The following TNKS1BP1 variants were observed in gnomAD, a reference collection of about 807,000 sequenced individuals.
TNKS1BP1 encodes the protein 182 kDa tankyrase-1-binding protein.
TNKS1BP1 carries 48 observed loss-of-function variants against 141.1 expected under a neutral mutation model. That is an observed-to-expected ratio of 0.34 (90% confidence interval 0.27 to 0.43). TNKS1BP1 has a LOEUF of 0.43. Among genes scored for constraint, TNKS1BP1 ranks in the 20% least tolerant of loss-of-function variants. The pLI is 1.00. For missense variants in TNKS1BP1, 2,149 were observed against 2,226.0 expected, an observed-to-expected ratio of 0.97 and a Z score of 0.70; for synonymous variants, 875 against 898.2, an observed-to-expected ratio of 0.97 and a Z score of 0.46.
Position 57,308,867 on chromosome 11 carries a change from T to G in TNKS1BP1, c.3844A>C (p.Thr1282Pro). Residue 1282 changes from threonine (T) to proline (P), a missense_variant, in exon 6 of 12, where the codon ACA (threonine) becomes CCA (proline). Transcript: ENST00000358252. ...RERGVGQADW[T>P]PDLGLRNMAP... ...ATGTTTCTCAGCCCAAGGTCAGGTG[T>G]CCAGTCTGCCTGTCCAACTCCACGC... The G allele has an allele frequency of 6.2e-7, 1 of 1,614,002 alleles. No homozygotes were observed. Among genetic ancestry groups the G allele is most frequent in the Non-Finnish European group, 8.5e-7 (1 of 1,180,028 alleles).
At chr11:57,319,069 C>T (rs1855840982) in intron 3 of TNKS1BP1, among the ~76,000 whole-genome samples, 1 of 149,714 alleles carries the variant, frequency 6.7e-6, no homozygotes, top group South Asian at 2.1e-4. Context: ...GGCGTGAACC[C>T]AGGAGGTGGA....
Position 57,309,999 on chromosome 11 carries a change from C to T in TNKS1BP1, c.2712G>A (p.Glu904=). The part of the protein sequence containing the change: ...LGAYASQDAN[E]QGQDLGKRDH... ...CCCTCTTCCCCAAATCTTGGCCCTG[C>T]TCGTTGGCATCTTGGCTGGCATAAG... The change falls in exon 6 of 12, where the codon GAG becomes GAA. Residue 904 remains glutamate, a synonymous_variant. Coordinates refer to ENST00000358252, the MANE Select transcript of TNKS1BP1 (RefSeq NM_033396.3). This position sits in a 1 kb window ranked among gnomAD's most constrained non-coding sequence, Gnocchi z 4.3. The T allele has an allele frequency of 1.9e-6, 3 of 1,614,094 alleles. No individual in the cohort carries two copies. Among genetic ancestry groups the T allele is most frequent in the Non-Finnish European group, 2.5e-6 (3 of 1,179,936 alleles).
In TNKS1BP1 at chr11:57,312,850, G is replaced by C; in HGVS notation, c.1838C>G (p.Pro613Arg). Residue 613 changes from proline (P) to arginine (R), a missense_variant, in exon 5 of 12, where the codon CCC becomes CGC. Transcript: ENST00000358252. The stretch of plus-strand genomic sequence containing the variant: ...CTGCCCCAGGACTGGCTCCAGGATG[G>C]GCAAGGCTGCCTCCCTGGTAGCCAG... ...LPLATREAAL[P>R]ILEPVLGQEQ... The C allele has an allele frequency of 6.2e-7, 1 of 1,610,446 alleles. No homozygotes were observed.
chr11:57,302,558 T>A lies in TNKS1BP1; in HGVS notation c.4584A>T (p.Ser1528=). The change falls in exon 7 of 12, where the codon TCA becomes TCT. Residue 1528 remains serine, a synonymous_variant. Transcript: ENST00000358252. The surrounding 1 kb of genome is among the most constrained non-coding windows in gnomAD (Gnocchi z 5.5). ...TEDVDGTWGS[S]AARWSDQGPA... ...GCCCCTGATCGCTCCACCTGGCTGC[T>A]GAAGAGCCCCAGGTGCCATCCACGT... 3.1e-6 allele frequency: 5 copies of A among 1,613,194 alleles called. No individual in the cohort carries two copies. The highest frequency in any genetic ancestry group is 4.2e-6 in the Non-Finnish European group (5 of 1,179,874).
At position 57,309,891 on chromosome 11, in the gene TNKS1BP1, A is replaced by G. The variant is rs147304805; in HGVS notation, c.2820T>C (p.Tyr940=). The change falls in exon 6 of 12, where the codon TAT becomes TAC. Residue 940 remains tyrosine, a synonymous_variant. Transcript: ENST00000358252. The surrounding 1 kb of genome is among the most constrained non-coding windows in gnomAD (Gnocchi z 4.3). ...FQKRDVSLGT[Y]GSRAAEPQEQ... The stretch of plus-strand genomic sequence containing the variant: ...CCTGTGGCTCCGCAGCCCGGCTGCC[A>G]TAGGTGCCGAGTGACACATCTCTCT... 3.7e-5 allele frequency: 60 copies of G among 1,614,056 alleles called. No individual in the cohort carries two copies. In the African/African-American group the frequency reaches 6.9e-4, roughly 19 times the overall value.
rs769695291 is a variant in TNKS1BP1 at position 57,309,622 on chromosome 11, G to A, written c.3089C>T (p.Pro1030Leu). 1 of 1,614,054 alleles carries A rather than the reference G, an allele frequency of 6.2e-7. No individual in the cohort carries two copies. The highest frequency in any genetic ancestry group is 8.5e-7 in the Non-Finnish European group (1 of 1,180,036). The change falls in exon 6 of 12, where the codon CCT becomes CTT. Residue 1030 changes from proline (P) to leucine (L), a missense_variant. Transcript: ENST00000358252. This position sits in a 1 kb window ranked among gnomAD's most constrained non-coding sequence, Gnocchi z 4.3. ...CCCATCCGGCACGTGGGCAGTGCTA[G>A]GACTGAACAAGCCCCCGGATCCTCT... ...GERGSGGLFS[P>L]STAHVPDGAL...
intron 6 of TNKS1BP1, among the ~76,000 whole-genome samples, chr11:57,304,715 C>A (rs1855580346): frequency 6.6e-6 from 1 of 151,082 alleles, no homozygotes; most frequent in South Asian, 2.1e-4. Context: ...ACTAAAAATA[C>A]AAAAATTAGC....
In TNKS1BP1 at chr11:57,313,862, G is replaced by A; in HGVS notation, c.826C>T (p.Pro276Ser). Residue 276 changes from proline (P) to serine (S), a missense_variant, in exon 5 of 12, where the codon CCA becomes TCA. By Grantham distance (74) the Pro-to-Ser change is moderately conservative. Transcript: ENST00000358252. ...DISKPWIPSS[P>S]APSSENGGPA... ...CCTCCATTCTCTGAGGAGGGGGCTGGACTTGAGGGAATCCAGGGCTTGGAA... is the reference window on the plus strand; with the variant it reads ...CCTCCATTCTCTGAGGAGGGGGCTGAACTTGAGGGAATCCAGGGCTTGGAA... 1 of 1,511,694 alleles carries A rather than the reference G, an allele frequency of 6.6e-7. No individual in the cohort carries two copies. The highest frequency in any genetic ancestry group is 8.8e-7 in the Non-Finnish European group (1 of 1,133,820). The allele number at this position is 1,511,694 out of a possible 1,614,324, so 93.6% of individuals were successfully genotyped here.
chr11:57,324,731 C>T, intron 1 of TNKS1BP1, 109 bp downstream of exon 1: 1 of 960,974 alleles, frequency 1.0e-6, no homozygotes, highest in Non-Finnish European at 1.2e-6. Flanking sequence ...CGACCACCAC[C>T]ACCTCAACCC....
intron 6 of TNKS1BP1, among the ~76,000 whole-genome samples, chr11:57,304,183 G>A (rs920641525): frequency 2.0e-5 from 3 of 152,056 alleles, no homozygotes; most frequent in Admixed American, 6.5e-5. Flanking sequence ...AGCCTGGCAC[G>A]GCAGTGCCTG....
intron 8 of TNKS1BP1, 27 bp from the exon 9 acceptor site, chr11:57,301,970 G>A: frequency 1.2e-6 from 2 of 1,611,216 alleles, no homozygotes; most frequent in Non-Finnish European, 1.7e-6. Flanking sequence ...AAGGGGCTCA[G>A]AAAAGGCAGC....
rs1855539832 is a variant in TNKS1BP1, at chr11:57,302,440, G to A, written c.4683+19C>T. 3 of 1,574,198 alleles carry A rather than the reference G, an allele frequency of 1.9e-6. No individual in the cohort carries two copies. Among genetic ancestry groups the A allele is most frequent in the Non-Finnish European group, 2.6e-6 (3 of 1,155,880 alleles). On this transcript the variant is annotated intron_variant, in intron 7 of 11. Coordinates refer to ENST00000358252, the MANE Select transcript of TNKS1BP1 (RefSeq NM_033396.3). The surrounding 1 kb of genome is among the most constrained non-coding windows in gnomAD (Gnocchi z 5.5). ...ATCGCCCTCACCCACCCACTGTCAT[G>A]GGCTCACCCTCCACTGACCTCAATG...
chr11:57,315,141 G>A (rs1221489835), intron 4 of TNKS1BP1, among the ~76,000 whole-genome samples: 29 of 151,896 alleles, frequency 1.9e-4, no homozygotes, highest in African/African-American at 6.5e-4. Flanking sequence ...GTGACTGTGC[G>A]ACCCATCCTC....
intron 3 of TNKS1BP1, among the ~76,000 whole-genome samples, chr11:57,318,575 G>A (rs989265898): frequency 6.6e-6 from 1 of 152,236 alleles, no homozygotes; most frequent in African/African-American, 2.4e-5. Context: ...AGTAGGAAGA[G>A]AAAGGGAGCC....
In TNKS1BP1 at chr11:57,317,807, G is replaced by GGATAACTCACATCAGCA. The variant is rs1269126120; in HGVS notation, c.792_798+10dup. ...TACGTGATTCTGATTCATAACTGGA[G>GGATAACTCACATCAGCA]GATAACTCACATCAGCAGGTAGCTC... On this transcript the variant is annotated intron_variant, in intron 4 of 11. Coordinates refer to ENST00000358252, the MANE Select transcript of TNKS1BP1 (RefSeq NM_033396.3). 15 of 1,612,722 alleles carry GGATAACTCACATCAGCA rather than the reference G, an allele frequency of 9.3e-6. No homozygotes were observed. Among genetic ancestry groups the GGATAACTCACATCAGCA allele is most frequent in the Admixed American group, 8.3e-5 (5 of 59,990 alleles).
At chr11:57,310,696 C>A in intron 5 of TNKS1BP1, 140 bp from the exon 6 acceptor site, 1 of 1,081,984 alleles carries the variant, frequency 9.2e-7, no homozygotes, top group South Asian at 1.6e-5. Flanking sequence ...TTGAGCAAAT[C>A]ACTTAACCAC....
rs1047006352 is a variant in TNKS1BP1, at chr11:57,312,615, T to A, written c.2073A>T (p.Ser691=). Reference sequence around the variant, plus strand: ...TTGCACCGCCACCACTGGGTGGTGGTGAAGCCAGGAGGTCGTCCAGCCAGC... The same window carrying A: ...TTGCACCGCCACCACTGGGTGGTGGAGAAGCCAGGAGGTCGTCCAGCCAGC... ...SSRWLDDLLA[S]PPPSGGGARR... Residue 691 remains serine, a synonymous_variant, in exon 5 of 12, where the codon TCA becomes TCT. Coordinates refer to ENST00000358252, the MANE Select transcript of TNKS1BP1 (RefSeq NM_033396.3). 2.6e-6 allele frequency: 4 copies of A among 1,563,922 alleles called. No homozygotes were observed. The highest frequency in any genetic ancestry group is 3.5e-6 in the Non-Finnish European group (4 of 1,157,146).
At chr11:57,306,354 T>C (rs1855610481) in intron 6 of TNKS1BP1, among the ~76,000 whole-genome samples, 1 of 151,812 alleles carries the variant, frequency 6.6e-6, no homozygotes, top group African/African-American at 2.4e-5. Flanking sequence ...CTCAGAACAC[T>C]AGGTTCTTGG....
In TNKS1BP1 at chr11:57,302,677, C is replaced by T; in HGVS notation, c.4465G>A (p.Ala1489Thr). 2 of 1,607,750 alleles carry T rather than the reference C, an allele frequency of 1.2e-6. No homozygotes were observed. The highest frequency in any genetic ancestry group is 1.7e-6 in the Non-Finnish European group (2 of 1,178,456). ...GGLLEEEGAG[A>T]GAAQEEVLEP... The stretch of plus-strand genomic sequence containing the variant: ...AGCACCTCCTCTTGGGCAGCACCTG[C>T]CCCGGCTCCTTCCTCCTCCAACAGG... Residue 1489 changes from alanine to threonine, a missense_variant, in exon 7 of 12, where the codon GCA (alanine) becomes ACA (threonine). Coordinates refer to ENST00000358252, the MANE Select transcript of TNKS1BP1 (RefSeq NM_033396.3). This position sits in a 1 kb window ranked among gnomAD's most constrained non-coding sequence, Gnocchi z 5.5.
Sources: allele counts gnomAD v4.1 joint callset (sites outside exome capture counted in the v4.1 genomes callset), GRCh38; gene constraint gnomAD v4.1.1; non-coding constraint Gnocchi (gnomAD v3.1); transcripts MANE v1.5; gene names NCBI Gene and HGNC (gene_info 2026-07-23, HGNC 2026-07-21).